Variants in DGKB observed in about 807,000 individuals in gnomAD.
DGKB encodes the protein diacylglycerol kinase beta.
Under a neutral mutation model 114.3 loss-of-function variants are expected in DGKB, and 67 were observed. The observed-to-expected ratio is 0.59, with a 90% CI of 0.48 to 0.72. The LOEUF (loss-of-function observed/expected upper bound fraction) is 0.72, where lower values mean the gene tolerates loss of function less well. Ranked by LOEUF, DGKB falls within the 30% of genes least tolerant of loss-of-function variation. The pLI, the probability that DGKB is intolerant of heterozygous loss-of-function variation, is 0.00. For synonymous variants in DGKB, 398 were observed against 323.1 expected, an observed-to-expected ratio of 1.23 and a Z score of -2.49; for missense variants, 907 against 975.2, an observed-to-expected ratio of 0.93 and a Z score of 0.93.
intron 3 of DGKB, among the ~76,000 whole-genome samples, chr7:14,757,190 G>T (rs1431701882): frequency 2.6e-5 from 4 of 151,930 alleles, no homozygotes; most frequent in Admixed American, 6.6e-5. Flanking sequence ...TGCCTGAAAG[G>T]GGTAACTCCC....
intron 1 of DGKB, among the ~76,000 whole-genome samples, chr7:14,890,142 T>A (rs958830879): frequency 6.6e-6 from 1 of 151,516 alleles, no homozygotes; most frequent in African/African-American, 2.4e-5. Flanking sequence ...CAGATAAAAT[T>A]AATGAGGGCA....
At chr7:14,673,339 A>T (rs74577552) in intron 12 of DGKB, among the ~76,000 whole-genome samples, 399 of 150,618 alleles carry the variant, frequency 2.6e-3, no homozygotes, top group Non-Finnish European at 4.4e-3. Context: ...ATTATTGTCC[A>T]TTACAGTTCT....
chr7:14,670,261 G>C (rs999355615), intron 13 of DGKB, among the ~76,000 whole-genome samples: 2 of 150,714 alleles, frequency 1.3e-5, no homozygotes, highest in East Asian at 3.9e-4. Context: ...CTAGTCTCTT[G>C]GCAGATTTTC....
intron 13 of DGKB, among the ~76,000 whole-genome samples, chr7:14,631,627 A>G (rs752283270): frequency 3.9e-5 from 6 of 152,034 alleles, no homozygotes; most frequent in Non-Finnish European, 8.8e-5. Context: ...TAGAGCCTTT[A>G]CTGAAAACTT....
chr7:14,562,989 T>C (rs767011180), intron 20 of DGKB, among the ~76,000 whole-genome samples: 6 of 152,108 alleles, frequency 3.9e-5, no homozygotes, highest in Non-Finnish European at 8.8e-5. Context: ...TGGCCATGTG[T>C]TGTGGGAGGG....
At chr7:14,773,930 G>T (rs991051462) in intron 2 of DGKB, among the ~76,000 whole-genome samples, 6 of 152,100 alleles carry the variant, frequency 3.9e-5, no homozygotes, top group Non-Finnish European at 8.8e-5. Context: ...GGGGAAAAAG[G>T]CTCCTACACA....
intron 21 of DGKB, among the ~76,000 whole-genome samples, chr7:14,360,741 C>T (rs1166173532): frequency 1.3e-5 from 2 of 151,770 alleles, no homozygotes; most frequent in Non-Finnish European, 2.9e-5. Flanking sequence ...TGAATGACAC[C>T]CCAAATCACT....
chr7:14,227,334 A>G (rs370260447), intron 23 of DGKB, among the ~76,000 whole-genome samples: 2 of 152,132 alleles, frequency 1.3e-5, no homozygotes, highest in Non-Finnish European at 2.9e-5. Flanking sequence ...CTTTTCCTAC[A>G]TTCTTACTCA....
intron 1 of DGKB, among the ~76,000 whole-genome samples, chr7:14,897,366 G>C (rs1038380736): frequency 6.6e-6 from 1 of 151,862 alleles, no homozygotes; most frequent in African/African-American, 2.4e-5. Flanking sequence ...CTCTTCTCTA[G>C]TGGTAGTGAA....
At chr7:14,801,820 C>T (rs1340015660) in intron 2 of DGKB, among the ~76,000 whole-genome samples, 1 of 151,676 alleles carries the variant, frequency 6.6e-6, no homozygotes, top group African/African-American at 2.4e-5. Flanking sequence ...TCTCTCTCCC[C>T]CCGATATATG....
intron 13 of DGKB, among the ~76,000 whole-genome samples, chr7:14,652,523 G>A (rs990435576): frequency 4.6e-5 from 7 of 152,024 alleles, no homozygotes; most frequent in South Asian, 2.1e-4. Context: ...AGACTTAAAC[G>A]TTAGACCTAA....
chr7:14,333,384 C>G lies in DGKB; in HGVS notation c.2122+5131G>C, dbSNP rs376963543. ...GCTGAGGCAGGAGAATGGCGTGAACCCGGGAGGTGGAGCTTGCAGTGAGCC... is the reference window on the plus strand; with the variant it reads ...GCTGAGGCAGGAGAATGGCGTGAACGCGGGAGGTGGAGCTTGCAGTGAGCC... On this transcript the variant is annotated intron_variant, in intron 23 of 25. Transcript: ENST00000402815. 1.4e-3 allele frequency among the ~76,000 whole-genome samples: 216 copies of G among 150,720 alleles called. 7 individuals are homozygous for G. The South Asian group carries it at 0.04, about 28-fold the overall frequency.
intron 20 of DGKB, among the ~76,000 whole-genome samples, chr7:14,512,889 ATCAT>A (rs1400715223): frequency 1.3e-5 from 2 of 152,106 alleles, no homozygotes; most frequent in Admixed American, 6.6e-5. Context: ...TTGCTTTATG[ATCAT>A]TCATTTTACT....
Position 14,372,978 on chromosome 7 carries a change from G to A in DGKB, c.1836-27587C>T, listed in dbSNP as rs778991525. On this transcript the variant is annotated intron_variant, in intron 21 of 25. Coordinates refer to ENST00000402815, the MANE Select transcript of DGKB (RefSeq NM_001350709.2). Reference sequence around the variant, plus strand: ...GTATATCTCCTGGCCATTTTATGGAGGGGATAAGGCCACAACTCTACGTTT... The same window carrying A: ...GTATATCTCCTGGCCATTTTATGGAAGGGATAAGGCCACAACTCTACGTTT... Among the ~76,000 whole-genome samples, 2 of 152,138 alleles carry A rather than the reference G, an allele frequency of 1.3e-5. 1 individual carries two copies. The highest frequency in any genetic ancestry group is 4.1e-4 in the South Asian group (2 of 4,832).
intron 21 of DGKB, among the ~76,000 whole-genome samples, chr7:14,408,324 TCTTG>T (rs1336250107): frequency 6.6e-6 from 1 of 152,090 alleles, no homozygotes; most frequent in Non-Finnish European, 1.5e-5. Flanking sequence ...CGGATTTTTG[TCTTG>T]GAGGGAGTAA....
At chr7:14,553,097 C>T (rs576367062) in intron 20 of DGKB, among the ~76,000 whole-genome samples, 23 of 152,196 alleles carry the variant, frequency 1.5e-4, no homozygotes, top group Non-Finnish European at 3.1e-4. Context: ...GAATTTGCCA[C>T]GGTCAGCTCA....
At chr7:14,661,135 T>C (rs1816979389) in intron 13 of DGKB, among the ~76,000 whole-genome samples, 2 of 152,050 alleles carry the variant, frequency 1.3e-5, no homozygotes, top group African/African-American at 4.8e-5. Context: ...ATTCGGGACA[T>C]AGGCATGGGC....
At chr7:14,685,394 T>G in intron 9 of DGKB, 32 bp from the exon 10 acceptor site, 2 of 1,487,790 alleles carry the variant, frequency 1.3e-6, no homozygotes, top group Non-Finnish European at 1.9e-6. Context: ...CAGATTTCAC[T>G]TAATGAAATA....
chr7:14,526,957 C>G (rs927290865), intron 20 of DGKB, among the ~76,000 whole-genome samples: 26 of 152,188 alleles, frequency 1.7e-4, no homozygotes, highest in African/African-American at 6.0e-4. Flanking sequence ...CTTACAAATC[C>G]TACTAGTAAT....
Sources: allele counts gnomAD v4.1 joint callset (sites outside exome capture counted in the v4.1 genomes callset), GRCh38; gene constraint gnomAD v4.1.1; transcripts MANE v1.5; gene names NCBI Gene and HGNC (gene_info 2026-07-23, HGNC 2026-07-21).